DHRSX: variants seen among roughly 807,000 people sequenced by gnomAD.
DHRSX encodes dehydrogenase/reductase X-linked.
DHRSX carries 31 observed loss-of-function variants against 34.0 expected under a neutral mutation model. That is an observed-to-expected ratio of 0.91 (90% CI 0.69 to 1.23). DHRSX has a LOEUF of 1.23. Among genes scored for constraint, DHRSX ranks in the 50% most tolerant of loss-of-function variants. The pLI is 0.00. For missense variants in DHRSX, 414 were observed against 428.1 expected (o/e 0.97, Z 0.29); for synonymous variants, 201 against 183.8 (o/e 1.09, Z -0.76).
chrX:2,448,324 C>T (rs2124673623), intron 1 of DHRSX, among the ~76,000 whole-genome samples: 1 of 152,194 alleles, frequency 6.6e-6, no homozygotes, highest in Non-Finnish European at 1.5e-5. Flanking sequence ...TAGGGTGAGA[C>T]TGTCTCAAAA....
At chrX:2,259,962 G>C (rs898283889) in intron 5 of DHRSX, among the ~76,000 whole-genome samples, 2 of 151,964 alleles carry the variant, frequency 1.3e-5, no homozygotes, top group Non-Finnish European at 2.9e-5. Flanking sequence ...TCTGGGCTTC[G>C]GGATGTGGAC....
At chrX:2,268,353 G>A (rs1239433925) in intron 4 of DHRSX, among the ~76,000 whole-genome samples, 1 of 152,226 alleles carries the variant, frequency 6.6e-6, no homozygotes, top group Non-Finnish European at 1.5e-5. Flanking sequence ...GGATAATGTA[G>A]ATGTGTATAC....
At chrX:2,294,534 G>A (rs1490956581) in intron 3 of DHRSX, among the ~76,000 whole-genome samples, 1 of 151,786 alleles carries the variant, frequency 6.6e-6, no homozygotes. Flanking sequence ...CTGTGGTGGT[G>A]CACGCCTGTA....
chrX:2,483,590 C>A (rs2044807369), intron 1 of DHRSX, among the ~76,000 whole-genome samples: 2 of 151,956 alleles, frequency 1.3e-5, no homozygotes, highest in Non-Finnish European at 2.9e-5. Flanking sequence ...TTTTAATCAG[C>A]AATTCTGAGA....
chrX:2,229,910 C>T (rs758414967), intron 6 of DHRSX, among the ~76,000 whole-genome samples: 4 of 151,976 alleles, frequency 2.6e-5, no homozygotes, highest in East Asian at 1.9e-4. Flanking sequence ...AGTACATGTA[C>T]GTACATGCAT....
At chrX:2,486,462 G>T (rs1249619437) in intron 1 of DHRSX, 3 of 152,198 alleles carry the variant, frequency 2.0e-5, no homozygotes. Context: ...TTGAACAACA[G>T]TCCAACTTTA....
At chrX:2,242,963 C>T in intron 6 of DHRSX, 60 bp downstream of exon 6, 2 of 1,547,410 alleles carry the variant, frequency 1.3e-6, no homozygotes, top group Admixed American at 1.8e-5. Flanking sequence ...GGACTGGGGA[C>T]CCCCTTTCCT....
intron 4 of DHRSX, among the ~76,000 whole-genome samples, chrX:2,284,092 T>C (rs1454649226): frequency 6.6e-6 from 1 of 152,216 alleles, no homozygotes; most frequent in African/African-American, 2.4e-5. Context: ...ATTCCTTCAT[T>C]TGAATTTATT....
rs762011804 is a variant in DHRSX at position 2,483,255 on chromosome X, TTTA to T, written c.109+17559_109+17561del. Among the ~76,000 whole-genome samples, 74 of 151,308 alleles carry T rather than the reference TTTA, an allele frequency of 4.9e-4. No individual in the cohort carries two copies. In the South Asian group the frequency reaches 0.014, roughly 30 times the overall value. ...TGCGTGCCACCATGTTTGGCTAATT[TTTA>T]TTATTATTATTATTATTTTTAGAGG... is the stretch of plus-strand genomic sequence containing the variant. On this transcript the variant is annotated intron_variant, in intron 1 of 6. Transcript: ENST00000334651.
chrX:2,265,074 C>T (rs2041429714), intron 5 of DHRSX, among the ~76,000 whole-genome samples: 1 of 147,306 alleles, frequency 6.8e-6, no homozygotes, highest in African/African-American at 2.5e-5. Flanking sequence ...CCCAGAGCAC[C>T]AGTATCCAGC....
At chrX:2,500,302 C>T (rs770023722) in intron 1 of DHRSX, 1 of 186,816 alleles carries the variant, frequency 5.4e-6, no homozygotes, top group South Asian at 1.3e-4. Flanking sequence ...AGGGCCCATC[C>T]TCACTTACCC....
At chrX:2,489,092 A>T (rs1456297196) in intron 1 of DHRSX, 2 of 1,613,638 alleles carry the variant, frequency 1.2e-6, no homozygotes, top group African/African-American at 2.7e-5. Context: ...GTTGTTGATG[A>T]CGCTGGCGGG....
chrX:2,436,461 A>ATGT (rs2043992226), intron 1 of DHRSX, among the ~76,000 whole-genome samples: 1 of 129,276 alleles, frequency 7.7e-6, no homozygotes, highest in South Asian at 2.8e-4. Flanking sequence ...TTGCAGCAAC[A>ATGT]TATTATTATT....
intron 3 of DHRSX, among the ~76,000 whole-genome samples, chrX:2,389,423 G>A (rs192717611): frequency 2.6e-5 from 4 of 152,148 alleles, no homozygotes; most frequent in African/African-American, 9.7e-5. Flanking sequence ...AACCTGGGAG[G>A]GGGTGGGTAG....
At chrX:2,405,683 G>T (rs2043544389) in intron 3 of DHRSX, among the ~76,000 whole-genome samples, 1 of 151,894 alleles carries the variant, frequency 6.6e-6, no homozygotes, top group Non-Finnish European at 1.5e-5. Flanking sequence ...TGTATTCCCA[G>T]CTACTGGGGA....
At chrX:2,287,050 C>T (rs2041812543) in intron 4 of DHRSX, among the ~76,000 whole-genome samples, 1 of 152,194 alleles carries the variant, frequency 6.6e-6, no homozygotes, top group South Asian at 2.1e-4. Context: ...GAACATTTCA[C>T]AGAATGATTA....
Position 2,496,446 on chromosome X carries a change from G to A in DHRSX, c.109+4371C>T, listed in dbSNP as rs763636429. 9.9e-5 allele frequency among the ~76,000 whole-genome samples: 15 copies of A among 152,162 alleles called. No homozygotes were observed. In the East Asian group the frequency reaches 1.9e-3, roughly 20 times the overall value. Reference sequence around the variant, plus strand: ...ACTCCTGAGCTCAGGCAATCCACCCGCCTCAGCCTCCCAAAGTGCTGGGAT... The same window carrying A: ...ACTCCTGAGCTCAGGCAATCCACCCACCTCAGCCTCCCAAAGTGCTGGGAT... On this transcript the variant is annotated intron_variant, in intron 1 of 6. Transcript: ENST00000334651.
intron 4 of DHRSX, among the ~76,000 whole-genome samples, chrX:2,289,327 AG>A (rs2041840670): frequency 6.6e-6 from 1 of 152,114 alleles, no homozygotes; most frequent in Non-Finnish European, 1.5e-5. Flanking sequence ...CATATTGGTC[AG>A]GCTGGTCTGG....
chrX:2,384,147 G>C (rs1410131924), intron 3 of DHRSX, among the ~76,000 whole-genome samples: 1 of 152,176 alleles, frequency 6.6e-6, no homozygotes, highest in Non-Finnish European at 1.5e-5. Context: ...CATGTAGGTG[G>C]TCTACAGAGC....
Sources: gnomAD v4.1 joint callset for allele counts (sites outside exome capture counted in the v4.1 genomes callset) on GRCh38, gnomAD v4.1.1 for gene constraint, MANE v1.5 for transcripts, NCBI Gene and HGNC (gene_info 2026-07-23, HGNC 2026-07-21) for gene names.